The following PSG5 variants were observed in gnomAD, a reference collection of about 807,000 sequenced individuals.
PSG5 encodes the protein pregnancy-specific beta-1-glycoprotein 5.
In PSG5, 53 loss-of-function variants were observed where a neutral mutation model predicts 37.7. That is an observed-to-expected ratio of 1.41 (90% CI 1.13 to 1.77). The LOEUF (loss-of-function observed/expected upper bound fraction) is 1.77, where lower values mean the gene tolerates loss of function less well. Ranked by LOEUF, PSG5 falls within the 40% of genes most tolerant of loss-of-function variation. The pLI, the probability that PSG5 is intolerant of heterozygous loss-of-function variation, is 0.00. For missense variants in PSG5, 547 were observed against 405.2 expected, an observed-to-expected ratio of 1.35 and a Z score of -3.00; for synonymous variants, 221 against 155.4, an observed-to-expected ratio of 1.42 and a Z score of -3.14.
rs558345100 is a variant in PSG5, at chr19:43,173,726, T to G, written c.964+1489A>C. Among the ~76,000 whole-genome samples the G allele has an allele frequency of 5.1e-4, 78 of 151,744 alleles. 1 individual carries two copies. The highest frequency in any genetic ancestry group is 1.6e-3 in the African/African-American group (64 of 41,272). On this transcript the variant is annotated intron_variant, in intron 4 of 5. Coordinates refer to ENST00000342951, the MANE Select transcript of PSG5 (RefSeq NM_002781.4). ...CAGCAACACAAAACAACAGGTGTTT[T>G]CAAGTAGATGGAAAAATTGGAGCTC...
At chr19:43,175,670 A>T in intron 3 of PSG5, 200 bp downstream of exon 3, 1 of 1,388,784 alleles carries the variant, frequency 7.2e-7, no homozygotes, top group East Asian at 2.3e-5. Context: ...GTCTCCCATG[A>T]CAAGAGCGCC....
chr19:43,171,721 C>T (rs1968908668), intron 4 of PSG5, among the ~76,000 whole-genome samples: 2 of 151,312 alleles, frequency 1.3e-5, no homozygotes, highest in Non-Finnish European at 2.9e-5. Flanking sequence ...TTAATCCTAG[C>T]ACTTTGGGAG....
intron 2 of PSG5, among the ~76,000 whole-genome samples, chr19:43,179,706 G>A (rs1413057898): frequency 1.3e-5 from 2 of 151,702 alleles, no homozygotes; most frequent in Non-Finnish European, 2.9e-5. Flanking sequence ...AAGCCTGGAG[G>A]TCAGTTCAGT....
At position 43,186,452 on chromosome 19, in the gene PSG5, C is replaced by A. The variant is rs1966946884; in HGVS notation, c.-47G>T. The A allele has an allele frequency of 6.2e-7, 1 of 1,608,772 alleles. No individual in the cohort carries two copies. On this transcript the variant is annotated 5_prime_UTR_variant, in exon 1 of 6. Transcript: ENST00000342951. ...TCCTCTGTGGAGCTGAGCCTAGGAT[C>A]CAGAAACTTCCTGAGCACGGCTGTA...
chr19:43,169,667 C>T (rs908683058), intron 5 of PSG5, among the ~76,000 whole-genome samples: 6 of 151,604 alleles, frequency 4.0e-5, no homozygotes, highest in African/African-American at 1.2e-4. Context: ...ATGAGGCAGT[C>T]ATATGCAAGG....
rs200992638 is a variant in PSG5, at chr19:43,170,089, C to A, written c.*6G>T. On this transcript the variant is annotated 3_prime_UTR_variant, in exon 5 of 6. Transcript: ENST00000342951. ...TTCCTGAAATACAGAAATGACTTCACGGCTGCTATATTGGATTAAGGAGAG... is the reference window on the plus strand; with the variant it reads ...TTCCTGAAATACAGAAATGACTTCAAGGCTGCTATATTGGATTAAGGAGAG... 1.3e-6 allele frequency: 2 copies of A among 1,578,374 alleles called. No homozygotes were observed. Among genetic ancestry groups the A allele is most frequent in the East Asian group, 2.3e-5 (1 of 43,800 alleles).
chr19:43,174,513 C>G (rs1356037716), intron 4 of PSG5: 14 of 789,480 alleles, frequency 1.8e-5, no homozygotes, highest in Non-Finnish European at 2.1e-5. Context: ...TGCCCACAAC[C>G]TCATACAACC....
chr19:43,169,351 T>G (rs1968854579), intron 5 of PSG5, among the ~76,000 whole-genome samples: 1 of 151,618 alleles, frequency 6.6e-6, no homozygotes, highest in South Asian at 2.1e-4. Context: ...AAAGTCTCCG[T>G]TCTCCATGAG....
chr19:43,182,823 G>C (rs1376977720), intron 2 of PSG5, among the ~76,000 whole-genome samples: 1 of 146,422 alleles, frequency 6.8e-6, no homozygotes, highest in African/African-American at 2.6e-5. Flanking sequence ...CTCACAAAGG[G>C]AAAGAGCCCT....
intron 4 of PSG5, chr19:43,174,432 C>G (rs977188973): frequency 1.2e-6 from 1 of 824,706 alleles, no homozygotes; most frequent in African/African-American, 1.9e-5. Context: ...ATGCAGAGCC[C>G]CAGGGGTGAA....
At chr19:43,181,222 A>T (rs1416630688) in intron 2 of PSG5, among the ~76,000 whole-genome samples, 1 of 151,680 alleles carries the variant, frequency 6.6e-6, no homozygotes, top group Non-Finnish European at 1.5e-5. Context: ...TATTCACATT[A>T]CGTGTATCTG....
intron 2 of PSG5, chr19:43,179,151 GT>G (rs1489929520): frequency 1.3e-6 from 2 of 1,591,382 alleles, no homozygotes; most frequent in East Asian, 4.5e-5. Flanking sequence ...GGGCTTGGGA[GT>G]TTCCACTTTG....
At chr19:43,176,739 G>A (rs950395072) in intron 2 of PSG5, among the ~76,000 whole-genome samples, 1 of 150,420 alleles carries the variant, frequency 6.6e-6, no homozygotes, top group African/African-American at 2.5e-5. Context: ...CAGAAAGTGG[G>A]GCAGTGTTTT....
In PSG5 at chr19:43,178,558, C is replaced by A. The variant is rs922787374; in HGVS notation, c.431-2410G>T. 5.4e-4 allele frequency among the ~76,000 whole-genome samples: 82 copies of A among 151,578 alleles called. 1 individual carries two copies. The highest frequency in any genetic ancestry group is 6.9e-4 in the Non-Finnish European group (47 of 67,902). ...CTGGTCTGTGGAAGGGCCACAGTGACCCTGTGAGCCAAGTCGCAACACTGA... is the reference window on the plus strand; with the variant it reads ...CTGGTCTGTGGAAGGGCCACAGTGAACCTGTGAGCCAAGTCGCAACACTGA... On this transcript the variant is annotated intron_variant, in intron 2 of 5. Transcript: ENST00000342951.
At chr19:43,185,432 C>G (rs1301452876) in intron 1 of PSG5, among the ~76,000 whole-genome samples, 1 of 46,306 alleles carries the variant, frequency 2.2e-5, no homozygotes, top group South Asian at 1.4e-3. Context: ...ACACGGCACC[C>G]CCCCCCCCCC....
chr19:43,174,177 C>G (rs1384457530), intron 4 of PSG5: 1 of 151,708 alleles, frequency 6.6e-6, no homozygotes, highest in East Asian at 1.9e-4. Context: ...TACATAGAGA[C>G]AGAATGTAGA....
chr19:43,168,908 C>A (rs1599741984), intron 5 of PSG5, among the ~76,000 whole-genome samples: 1 of 151,500 alleles, frequency 6.6e-6, no homozygotes, highest in African/African-American at 2.4e-5. Flanking sequence ...AATTCCAGTA[C>A]TTCTAGCTGA....
chr19:43,184,130 G>A (rs930863894), intron 2 of PSG5, among the ~76,000 whole-genome samples: 2 of 151,618 alleles, frequency 1.3e-5, no homozygotes, highest in African/African-American at 4.9e-5. Context: ...ACTGTCCTAA[G>A]CCTCCTAAAG....
In PSG5 at chr19:43,178,291, A is replaced by G. The variant is rs1168542003; in HGVS notation, c.431-2143T>C. ...AGTGGCTGAGTTATGGATGAAACAG[A>G]CATAGATCCCTCTATGTTTTGGTGA... On this transcript the variant is annotated intron_variant, in intron 2 of 5. Transcript: ENST00000342951. Among the ~76,000 whole-genome samples, 2 of 151,532 alleles carry G rather than the reference A, an allele frequency of 1.3e-5. 1 individual carries two copies.
Sources: gnomAD v4.1 joint callset for allele counts (sites outside exome capture counted in the v4.1 genomes callset) on GRCh38, gnomAD v4.1.1 for gene constraint, MANE v1.5 for transcripts, NCBI Gene and HGNC (gene_info 2026-07-23, HGNC 2026-07-21) for gene names.